The following EYS variants were observed in gnomAD, a reference collection of about 807,000 sequenced individuals.
EYS encodes the protein EGF-like photoreceptor maintenance factor.
Under a neutral mutation model 282.1 loss-of-function variants are expected in EYS, and 250 were observed. The observed-to-expected ratio is 0.89, with a 90% CI of 0.80 to 0.98. EYS has a LOEUF of 0.98. Ranked by LOEUF, EYS falls within the 50% of genes least tolerant of loss-of-function variation. The probability of loss-of-function intolerance (pLI) is 0.00; values close to 1 mark genes in which losing one functional copy is unlikely to be tolerated. For synonymous variants in EYS, 1,355 were observed against 1,282.9 expected (o/e 1.06, Z -1.20); for missense variants, 4,016 against 3,709.0 (o/e 1.08, Z -2.15).
intron 22 of EYS, among the ~76,000 whole-genome samples, chr6:64,756,638 C>G (rs2149974562): frequency 6.6e-6 from 1 of 152,186 alleles, no homozygotes; most frequent in South Asian, 2.1e-4. Flanking sequence ...TAGTTGAAAA[C>G]AGAACCTTAT....
At chr6:65,042,882 G>T (rs1197491418) in intron 13 of EYS, among the ~76,000 whole-genome samples, 1 of 150,902 alleles carries the variant, frequency 6.6e-6, no homozygotes, top group Non-Finnish European at 1.5e-5. Flanking sequence ...ATGTTTACGA[G>T]ATACTTTAAA....
In EYS at chr6:65,555,593, TTGTGATTAC is replaced by T. The variant is rs1315202248; in HGVS notation, c.-332-59609_-332-59601del. Among the ~76,000 whole-genome samples, 9 of 152,314 alleles carry T rather than the reference TTGTGATTAC, an allele frequency of 5.9e-5. No individual in the cohort carries two copies. In the South Asian group the frequency reaches 1.9e-3, roughly 32 times the overall value. On this transcript the variant is annotated intron_variant, in intron 2 of 42. Transcript: ENST00000503581. ...ATTGTAATTTAATTTTACTTTGAAGTTGTGATTACTTACAGAAGCTGGTTCAAATATTTT... is the reference window on the plus strand; with the variant it reads ...ATTGTAATTTAATTTTACTTTGAAGTTTACAGAAGCTGGTTCAAATATTTT...
intron 26 of EYS, among the ~76,000 whole-genome samples, chr6:64,455,291 T>C (rs1775517143): frequency 6.6e-6 from 1 of 152,170 alleles, no homozygotes; most frequent in Non-Finnish European, 1.5e-5. Flanking sequence ...TAAAATAGTT[T>C]ACTAGTTTAT....
rs75266663 is a variant in EYS at position 64,694,495 on chromosome 6, G to T, written c.3444-68250C>A. On this transcript the variant is annotated intron_variant, in intron 22 of 42. Coordinates refer to ENST00000503581, the MANE Select transcript of EYS (RefSeq NM_001142800.2). ...TCGGTCTGACCTGGGGAGCAATCAG[G>T]AGACTGTGAGGAGGATTGATACTAG... Among the ~76,000 whole-genome samples the T allele has an allele frequency of 5.4e-3, 821 of 152,260 alleles. 3 individuals are homozygous for T. Among genetic ancestry groups the T allele is most frequent in the Non-Finnish European group, 9.2e-3 (626 of 68,014 alleles).
At chr6:65,110,026 T>C (rs1242391015) in intron 12 of EYS, among the ~76,000 whole-genome samples, 1 of 152,188 alleles carries the variant, frequency 6.6e-6, no homozygotes, top group African/African-American at 2.4e-5. Context: ...TTATAAGATA[T>C]AAAACATCTC....
chr6:63,745,770 C>G (rs977764748), intron 41 of EYS, among the ~76,000 whole-genome samples: 3 of 152,176 alleles, frequency 2.0e-5, no homozygotes, highest in Admixed American at 1.3e-4. Flanking sequence ...TTCCCAAATA[C>G]ATATGTTGAA....
chr6:64,117,528 A>G (rs181807092), intron 31 of EYS, among the ~76,000 whole-genome samples: 16 of 151,944 alleles, frequency 1.1e-4, no homozygotes, highest in East Asian at 9.6e-4. Context: ...GAAAAAATAC[A>G]TTACAATAAT....
intron 28 of EYS, among the ~76,000 whole-genome samples, chr6:64,410,688 G>A (rs1414808558): frequency 2.6e-5 from 4 of 152,062 alleles, no homozygotes; most frequent in Non-Finnish European, 5.9e-5. Context: ...GAAAAATTCT[G>A]TCTTTGTCTT....
chr6:64,679,826 A>C (rs186832207), intron 22 of EYS, among the ~76,000 whole-genome samples: 7 of 152,214 alleles, frequency 4.6e-5, no homozygotes, highest in Non-Finnish European at 8.8e-5. Flanking sequence ...TCTTTTTCTG[A>C]ACATTTTATG....
At chr6:64,594,230 C>A (rs574338908) in intron 24 of EYS, among the ~76,000 whole-genome samples, 5 of 151,946 alleles carry the variant, frequency 3.3e-5, no homozygotes, top group African/African-American at 1.2e-4. Flanking sequence ...TTAGATAATT[C>A]GCAACAAAGA....
intron 35 of EYS, among the ~76,000 whole-genome samples, chr6:63,933,308 C>T (rs1764954021): frequency 6.6e-6 from 1 of 152,146 alleles, no homozygotes; most frequent in Non-Finnish European, 1.5e-5. Flanking sequence ...TCTTGGCTCA[C>T]TGCAACCTCC....
intron 39 of EYS, among the ~76,000 whole-genome samples, chr6:63,778,864 A>T (rs1770133992): frequency 6.6e-6 from 1 of 152,078 alleles, no homozygotes; most frequent in African/African-American, 2.4e-5. Flanking sequence ...TTTACATGCG[A>T]TAGCTAATAA....
intron 14 of EYS, among the ~76,000 whole-genome samples, chr6:64,950,832 T>TATATATATATATATATATATATATAA (rs1310289103): frequency 9.7e-6 from 1 of 103,100 alleles, no homozygotes; most frequent in Non-Finnish European, 1.9e-5. Context: ...TATATATATA[T>TATATATATATATATATATATATATAA]ATTGTTGAAT....
At chr6:64,448,576 C>T (rs2095661) in intron 26 of EYS, among the ~76,000 whole-genome samples, 1 of 151,878 alleles carries the variant, frequency 6.6e-6, no homozygotes, top group Non-Finnish European at 1.5e-5. Flanking sequence ...GGTCCCTGAC[C>T]CCCAAGTAGC....
intron 2 of EYS, among the ~76,000 whole-genome samples, chr6:65,568,037 C>T (rs1764340072): frequency 1.3e-5 from 2 of 151,986 alleles, no homozygotes; most frequent in African/African-American, 4.8e-5. Context: ...ATTTTTTCTT[C>T]CCCCTCCCTA....
intron 13 of EYS, among the ~76,000 whole-genome samples, chr6:65,024,294 AC>A (rs1270333368): frequency 6.6e-6 from 1 of 152,140 alleles, no homozygotes; most frequent in Non-Finnish European, 1.5e-5. Flanking sequence ...AAATGGCAAA[AC>A]CTTACAACTT....
intron 1 of EYS, among the ~76,000 whole-genome samples, chr6:65,657,860 ATTG>A (rs1723154452): frequency 6.6e-6 from 1 of 151,742 alleles, no homozygotes; most frequent in African/African-American, 2.4e-5. Context: ...ATCAAACTTT[ATTG>A]TTGTCTTATT....
intron 26 of EYS, among the ~76,000 whole-genome samples, chr6:64,554,680 A>C (rs183774648): frequency 7.2e-5 from 11 of 152,168 alleles, no homozygotes; most frequent in Admixed American, 6.5e-4. Context: ...GAATAATTTA[A>C]CAATAAGGAA....
At chr6:65,422,877 A>G (rs1767519859) in intron 5 of EYS, among the ~76,000 whole-genome samples, 1 of 151,854 alleles carries the variant, frequency 6.6e-6, no homozygotes, top group African/African-American at 2.4e-5. Flanking sequence ...CTACAAAGGA[A>G]CAACAGACAA....
Sources: gnomAD v4.1 joint callset for allele counts (sites outside exome capture counted in the v4.1 genomes callset) on GRCh38, gnomAD v4.1.1 for gene constraint, MANE v1.5 for transcripts, NCBI Gene and HGNC (gene_info 2026-07-23, HGNC 2026-07-21) for gene names.